CFAP70: variants seen among roughly 807,000 people sequenced by gnomAD.
CFAP70 encodes the protein cilia- and flagella-associated protein 70.
Under a neutral mutation model 137.6 loss-of-function variants are expected in CFAP70, and 81 were observed. The observed-to-expected ratio is 0.59, with a 90% CI of 0.49 to 0.71. The LOEUF (loss-of-function observed/expected upper bound fraction) is 0.71, where lower values mean the gene tolerates loss of function less well. CFAP70 is among the 30% of genes least tolerant of loss of function. The pLI is 0.00. For synonymous variants in CFAP70, 382 were observed against 423.6 expected, an observed-to-expected ratio of 0.90 and a Z score of 1.20; for missense variants, 976 against 1,226.7, an observed-to-expected ratio of 0.80 and a Z score of 3.05.
In CFAP70 at chr10:73,291,208, T is replaced by G. The variant is rs1369672639; in HGVS notation, c.2239+18A>C. The G allele has an allele frequency of 9.9e-6, 16 of 1,612,222 alleles. No homozygotes were observed. Among genetic ancestry groups the G allele is most frequent in the Non-Finnish European group, 1.4e-5 (16 of 1,178,430 alleles). On this transcript the variant is annotated intron_variant, in intron 19 of 26. Transcript: ENST00000310715. The stretch of plus-strand genomic sequence containing the variant: ...ATTTTTCTAATAGCCACTCTTCACC[T>G]CTATTCCCTGGCTCTACCTGCTGGG...
chr10:73,362,456 A>G (rs1480137942), upstream of CFAP70, among the ~76,000 whole-genome samples: 4 of 152,168 alleles, frequency 2.6e-5, no homozygotes, highest in Non-Finnish European at 5.9e-5. Context: ...AGTTTCTTTC[A>G]TCAATGTTTT....
intron 6 of CFAP70, 100 bp downstream of exon 7, chr10:73,341,299 A>T (rs2053227211): frequency 2.9e-6 from 3 of 1,050,876 alleles, no homozygotes; most frequent in Non-Finnish European, 4.1e-6. Flanking sequence ...AAGTATTTCG[A>T]CAGGTGACAA....
chr10:73,280,813 A>G (rs1417356898), intron 19 of CFAP70, among the ~76,000 whole-genome samples: 1 of 151,734 alleles, frequency 6.6e-6, no homozygotes, highest in African/African-American at 2.4e-5. Flanking sequence ...TTTTTCCCTG[A>G]TCAGATTTAT....
intron 6 of CFAP70, 66 bp from the exon 8 acceptor site, chr10:73,335,590 G>T: frequency 4.4e-6 from 5 of 1,133,172 alleles, no homozygotes; most frequent in Admixed American, 2.1e-5. Flanking sequence ...CCATCTATAG[G>T]GCATTCTTTT....
chr10:73,295,568 C>T (rs1393828990), intron 15 of CFAP70: 1 of 152,118 alleles, frequency 6.6e-6, no homozygotes, highest in Non-Finnish European at 1.5e-5. Context: ...TAAAGGTTAA[C>T]AATAACTTCC....
At chr10:73,312,768 A>C in intron 9 of CFAP70, 125 bp from the exon 11 acceptor site, 1 of 852,108 alleles carries the variant, frequency 1.2e-6, no homozygotes, top group Non-Finnish European at 1.7e-6. Flanking sequence ...GAGAGAGAGA[A>C]GGGACTTGAA....
intron 1 of CFAP70, among the ~76,000 whole-genome samples, chr10:73,356,564 GT>G (rs527493319): frequency 1.8e-4 from 28 of 152,278 alleles, no homozygotes; most frequent in African/African-American, 6.5e-4. Context: ...AGTGTACTTG[GT>G]GATACAAAAG....
intron 8 of CFAP70, among the ~76,000 whole-genome samples, chr10:73,323,425 C>T (rs549591059): frequency 6.6e-6 from 1 of 152,212 alleles, no homozygotes; most frequent in East Asian, 1.9e-4. Context: ...TCTGCATTTC[C>T]ATCTGAGGTA....
chr10:73,330,160 T>C (rs1056403831), intron 8 of CFAP70, among the ~76,000 whole-genome samples: 1 of 152,094 alleles, frequency 6.6e-6, no homozygotes, highest in Admixed American at 6.6e-5. Flanking sequence ...GACTTAAAAG[T>C]CCTACACTTG....
chr10:73,359,961 G>GT (rs1219738812), upstream of CFAP70, among the ~76,000 whole-genome samples: 1 of 152,030 alleles, frequency 6.6e-6, no homozygotes, highest in Non-Finnish European at 1.5e-5. Flanking sequence ...AGGAACTCAG[G>GT]TTGTAGACCA....
chr10:73,359,494 G>C (rs1001213980), upstream of CFAP70, among the ~76,000 whole-genome samples: 4 of 152,126 alleles, frequency 2.6e-5, no homozygotes, highest in East Asian at 7.7e-4. Context: ...CCAAATAAGG[G>C]ACAATTTGAG....
intron 9 of CFAP70, among the ~76,000 whole-genome samples, chr10:73,317,048 G>A (rs1398032657): frequency 6.6e-6 from 1 of 152,098 alleles, no homozygotes; most frequent in East Asian, 1.9e-4. Context: ...TTTATTGAGA[G>A]AGAGTCTCAC....
chr10:73,313,697 G>T (rs961742418), intron 9 of CFAP70, among the ~76,000 whole-genome samples: 1 of 152,054 alleles, frequency 6.6e-6, no homozygotes, highest in African/African-American at 2.4e-5. Context: ...ACAAAAATTA[G>T]CCGGGTGTGG....
At chr10:73,268,044 C>T (rs2045933123) in intron 25 of CFAP70, among the ~76,000 whole-genome samples, 1 of 152,186 alleles carries the variant, frequency 6.6e-6, no homozygotes, top group Non-Finnish European at 1.5e-5. Flanking sequence ...GAAGACTTAC[C>T]TGACTGGGTC....
intron 3 of CFAP70, among the ~76,000 whole-genome samples, chr10:73,350,763 T>G (rs952661469): frequency 6.6e-6 from 1 of 151,842 alleles, no homozygotes; most frequent in Non-Finnish European, 1.5e-5. Context: ...TATTTTGGTT[T>G]GTTTGTTTGT....
At position 73,284,776 on chromosome 10, in the gene CFAP70, A is replaced by C. The variant is rs1241481123; in HGVS notation, c.2240-6439T>G. On this transcript the variant is annotated intron_variant, in intron 19 of 26. Coordinates refer to ENST00000310715, the Ensembl canonical transcript of CFAP70. ...TATATATATATATATATATATATAT[A>C]TATATATATATATATATATATATAT... Among the ~76,000 whole-genome samples, 39 of 48,244 alleles carry C rather than the reference A, an allele frequency of 8.1e-4. 1 individual carries two copies. The highest frequency in any genetic ancestry group is 3.4e-3 in the African/African-American group (34 of 10,074). 31.6% of individuals were successfully genotyped at this position (48,244 alleles called of 152,430 possible). A position where few individuals can be genotyped will look rare whatever the true frequency, so the allele number is the denominator to read the frequency against.
intron 25 of CFAP70, among the ~76,000 whole-genome samples, chr10:73,268,173 G>T (rs1372415100): frequency 1.3e-5 from 2 of 152,196 alleles, no homozygotes; most frequent in Non-Finnish European, 2.9e-5. Context: ...TCTTAGGGGA[G>T]GGGGCCATCT....
intron 13 of CFAP70, among the ~76,000 whole-genome samples, 180 bp from the exon 15 acceptor site, chr10:73,299,281 C>T (rs2048761821): frequency 6.6e-6 from 1 of 152,066 alleles, no homozygotes; most frequent in Non-Finnish European, 1.5e-5. Context: ...GATCATGGCT[C>T]ACTTCTCCCT....
Position 73,336,083 on chromosome 10 carries a change from A to G in CFAP70, c.583-559T>C, listed in dbSNP as rs567294342. 4.3e-4 allele frequency among the ~76,000 whole-genome samples: 66 copies of G among 151,812 alleles called. 1 individual carries two copies. In the South Asian group the frequency reaches 0.013, roughly 31 times the overall value. ...TTGAGCCTAGGAGGTTGAGGCTACA[A>G]TGAGCCTCAATAATCGCACCATTGC... On this transcript the variant is annotated intron_variant, in intron 6 of 26. Coordinates refer to ENST00000310715, the Ensembl canonical transcript of CFAP70.
Sources: gnomAD v4.1 joint callset for allele counts (sites outside exome capture counted in the v4.1 genomes callset) on GRCh38, gnomAD v4.1.1 for gene constraint, MANE v1.5 for transcripts, NCBI Gene and HGNC (gene_info 2026-07-23, HGNC 2026-07-21) for gene names.